APAF1: variants seen among roughly 807,000 people sequenced by gnomAD.
APAF1 encodes apoptotic protease-activating factor 1.
In APAF1, 91 loss-of-function variants were observed where a neutral mutation model predicts 152.4. The observed-to-expected ratio is 0.60, with a 90% CI of 0.50 to 0.71. APAF1 has a LOEUF of 0.71. Among genes scored for constraint, APAF1 ranks in the 30% least tolerant of loss-of-function variants. The pLI is 0.00. For missense variants in APAF1, 1,283 were observed against 1,472.0 expected (o/e 0.87, Z 2.10); for synonymous variants, 484 against 494.1 (o/e 0.98, Z 0.27).
In APAF1 at chr12:98,706,521, T is replaced by C. The variant is rs761477565; in HGVS notation, c.2632T>C (p.Cys878Arg). The change falls in exon 19 of 27, where the codon TGC becomes CGC. Residue 878 changes from cysteine to arginine, a missense_variant. Physicochemically the swap from Cys to Arg is radical, Grantham distance 180 (BLOSUM62 -3). Transcript: ENST00000551964. ...AGACTCACGTTCAAAGGTGGCTGAT[T>C]GCAGAGGACATTTAAGTTGGGTTCA... ...NTDSRSKVAD[C>R]RGHLSWVHGV... 2 of 1,614,110 alleles carry C rather than the reference T, an allele frequency of 1.2e-6. No homozygotes were observed. The highest frequency in any genetic ancestry group is 1.1e-5 in the South Asian group (1 of 91,080).
intron 16 of APAF1, among the ~76,000 whole-genome samples, chr12:98,696,378 A>G (rs1166503749): frequency 6.6e-6 from 1 of 152,154 alleles, no homozygotes; most frequent in Non-Finnish European, 1.5e-5. Flanking sequence ...GAACTAATCC[A>G]TTCCCAGGGA....
intron 21 of APAF1, among the ~76,000 whole-genome samples, chr12:98,714,642 T>G (rs1800883357): frequency 6.6e-6 from 1 of 152,172 alleles, no homozygotes; most frequent in South Asian, 2.1e-4. Context: ...TTTAGGAAGG[T>G]TTCCATTCAC....
chr12:98,727,321 G>C lies in APAF1; in HGVS notation c.3600+5G>C, dbSNP rs939115999. 3.7e-6 allele frequency: 6 copies of C among 1,613,904 alleles called. No homozygotes were observed. In the African/African-American group the frequency reaches 6.7e-5, roughly 18 times the overall value. ...TCTGCTGGAGGATATATTAAGGTAAGAGTTCCCCAAGAACTGTGAAAGAAA... is the reference window on the plus strand; with the variant it reads ...TCTGCTGGAGGATATATTAAGGTAACAGTTCCCCAAGAACTGTGAAAGAAA... On this transcript the variant is annotated splice_donor_5th_base_variant and intron_variant, in intron 26 of 26. Coordinates refer to ENST00000551964, the MANE Select transcript of APAF1 (RefSeq NM_181861.2).
chr12:98,682,255 A>C (rs562392155), intron 14 of APAF1, among the ~76,000 whole-genome samples: 2 of 151,628 alleles, frequency 1.3e-5, no homozygotes, highest in East Asian at 3.9e-4. Flanking sequence ...GGGTTTCACC[A>C]TGTTAGCCAG....
chr12:98,693,764 T>A (rs2097706833), intron 16 of APAF1, among the ~76,000 whole-genome samples: 1 of 151,962 alleles, frequency 6.6e-6, no homozygotes, highest in Non-Finnish European at 1.5e-5. Context: ...CTTTTGCTTT[T>A]CTTTTAAATT....
chr12:98,735,193 G>T lies in APAF1; in HGVS notation c.*2627G>T, dbSNP rs186272491. ...TGCAGTCGGTCAAGAGGAGGATTTT[G>T]TTTTGTAGTTTGCAGATGAGCATTT... On this transcript the variant is annotated 3_prime_UTR_variant, in exon 27 of 27. Coordinates refer to ENST00000551964, the MANE Select transcript of APAF1 (RefSeq NM_181861.2). 1.6e-3 allele frequency: 631 copies of T among 398,890 alleles called. No individual in the cohort carries two copies. The highest frequency in any genetic ancestry group is 1.4e-3 in the South Asian group (11 of 7,888). The allele number at this position is 398,890 out of a possible 1,614,324, so 24.7% of individuals were successfully genotyped here. A position where few individuals can be genotyped will look rare whatever the true frequency, so the allele number is the denominator to read the frequency against.
At chr12:98,667,765 A>ATTTTTTTT (rs71305589) in intron 10 of APAF1, 121 bp downstream of exon 10, 79 of 322,448 alleles carry the variant, frequency 2.5e-4, no homozygotes, top group East Asian at 4.8e-4. Flanking sequence ...TTTCCATTTG[A>ATTTTTTTT]TTTTTTTTTT....
chr12:98,656,079 G>A (rs1235858895), intron 4 of APAF1, among the ~76,000 whole-genome samples: 10 of 151,930 alleles, frequency 6.6e-5, no homozygotes, highest in Admixed American at 6.6e-5. Flanking sequence ...CACCGCGCCC[G>A]GCCTTGCCTG....
intron 15 of APAF1, among the ~76,000 whole-genome samples, chr12:98,685,686 A>G (rs2097697297): frequency 6.6e-6 from 1 of 151,596 alleles, no homozygotes; most frequent in African/African-American, 2.4e-5. Context: ...CCCAGGCTGG[A>G]GTGCAGTGGA....
chr12:98,732,139 A>G (rs1414372926), intron 26 of APAF1, among the ~76,000 whole-genome samples: 1 of 152,168 alleles, frequency 6.6e-6, no homozygotes, highest in Non-Finnish European at 1.5e-5. Context: ...AATGGACTCT[A>G]TAGCTTCCTG....
intron 10 of APAF1, among the ~76,000 whole-genome samples, chr12:98,669,966 A>G (rs147804308): frequency 1.3e-4 from 19 of 143,538 alleles, no homozygotes; most frequent in African/African-American, 5.0e-4. Context: ...TCTCACCAGG[A>G]TGTCACTCTG....
In APAF1 at chr12:98,665,497, T is replaced by G. The variant is rs1593039236; in HGVS notation, c.956-56T>G. 6.7e-6 allele frequency: 8 copies of G among 1,196,392 alleles called. No homozygotes were observed. The East Asian group carries it at 1.9e-4, about 28-fold the overall frequency. The allele number at this position is 1,196,392 out of a possible 1,614,324, so 74.1% of individuals were successfully genotyped here. A position where few individuals can be genotyped will look rare whatever the true frequency, so the allele number is the denominator to read the frequency against. On this transcript the variant is annotated intron_variant, in intron 7 of 26. Coordinates refer to ENST00000551964, the MANE Select transcript of APAF1 (RefSeq NM_181861.2). Reference sequence around the variant, plus strand: ...GTAATGTAAGTAAGTAAGTCGATTCTTATTAGTGACAAAATAGGATGGTAT... The same window carrying G: ...GTAATGTAAGTAAGTAAGTCGATTCGTATTAGTGACAAAATAGGATGGTAT...
intron 4 of APAF1, among the ~76,000 whole-genome samples, chr12:98,655,396 G>A (rs1223940913): frequency 1.3e-5 from 2 of 151,410 alleles, no homozygotes; most frequent in African/African-American, 4.9e-5. Context: ...TCACTTCCCA[G>A]TAGGGGCGGC....
At chr12:98,655,795 T>C (rs1033789900) in intron 4 of APAF1, among the ~76,000 whole-genome samples, 2 of 151,284 alleles carry the variant, frequency 1.3e-5, no homozygotes, top group Non-Finnish European at 3.0e-5. Context: ...TTCTTTTTTT[T>C]TTTTTTGAGA....
chr12:98,671,491 C>A, intron 11 of APAF1, 44 bp from the exon 12 acceptor site: 2 of 1,563,366 alleles, frequency 1.3e-6, no homozygotes, highest in South Asian at 2.2e-5. Flanking sequence ...AATGTCAGAT[C>A]GTGGCTCTGA....
intron 26 of APAF1, among the ~76,000 whole-genome samples, chr12:98,730,233 C>T (rs1247437319): frequency 6.6e-6 from 1 of 152,220 alleles, no homozygotes; most frequent in African/African-American, 2.4e-5. Context: ...GAAATGACCA[C>T]CAATTGTTCT....
In APAF1 at chr12:98,648,467, A is replaced by C. The variant is rs745929548; in HGVS notation, c.108A>C (p.Thr36=). Residue 36 remains threonine, a synonymous_variant, in exon 2 of 27, where the codon ACA becomes ACC. Transcript: ENST00000551964. ...MDHMISDGFL[T]ISEEEKVRNE... ...ACATGATTAGTGATGGATTTTTAAC[A>C]ATATCAGAAGAGGAAAAAGTAAGAA... The C allele has an allele frequency of 6.2e-7, 1 of 1,614,002 alleles. No homozygotes were observed. Among genetic ancestry groups the C allele is most frequent in the South Asian group, 1.1e-5 (1 of 91,078 alleles).
At chr12:98,649,258 A>G (rs1477370326) in intron 3 of APAF1, 21 of 972,204 alleles carry the variant, frequency 2.2e-5, no homozygotes, top group Non-Finnish European at 2.6e-5. Context: ...AAGCAGATAT[A>G]GATAGAAACT....
chr12:98,702,779 C>T lies in APAF1; in HGVS notation c.2467-592C>T, dbSNP rs1001917542. On this transcript the variant is annotated intron_variant, in intron 17 of 26. Coordinates refer to ENST00000551964, the MANE Select transcript of APAF1 (RefSeq NM_181861.2). ...GGTGGAGGTTGCAGTGAGCTGAGAT[C>T]GCCCCAAGCTGAGATTACGCTATTG... Among the ~76,000 whole-genome samples, 18 of 150,912 alleles carry T rather than the reference C, an allele frequency of 1.2e-4. No homozygotes were observed. The East Asian group carries it at 2.5e-3, about 21-fold the overall frequency.
Sources: allele counts gnomAD v4.1 joint callset (sites outside exome capture counted in the v4.1 genomes callset), GRCh38; gene constraint gnomAD v4.1.1; transcripts MANE v1.5; gene names NCBI Gene and HGNC (gene_info 2026-07-23, HGNC 2026-07-21).